RORA: variants seen among roughly 807,000 people sequenced by gnomAD.
RORA encodes the protein RAR related orphan receptor A.
Under a neutral mutation model 69.5 loss-of-function variants are expected in RORA, and 7 were observed. The observed-to-expected ratio is 0.10, with a 90% CI of 0.06 to 0.19. The LOEUF (loss-of-function observed/expected upper bound fraction) is 0.19. Among genes scored for constraint, RORA ranks in the 10% least tolerant of loss-of-function variants. The probability of loss-of-function intolerance (pLI) is 1.00; values close to 1 mark genes in which losing one functional copy is unlikely to be tolerated. For missense variants in RORA, 457 were observed against 663.0 expected, an observed-to-expected ratio of 0.69 and a Z score of 3.41; for synonymous variants, 261 against 240.8, an observed-to-expected ratio of 1.08 and a Z score of -0.78.
chr15:61,035,680 A>G (rs1056279478), intron 1 of RORA, among the ~76,000 whole-genome samples: 9 of 152,296 alleles, frequency 5.9e-5, no homozygotes, highest in African/African-American at 1.9e-4. Context: ...TCACTATGAA[A>G]TGTCATTTTT....
intron 1 of RORA, among the ~76,000 whole-genome samples, chr15:61,155,783 C>T (rs891454172): frequency 6.6e-6 from 1 of 152,190 alleles, no homozygotes; most frequent in Non-Finnish European, 1.5e-5. Flanking sequence ...GATGTGTTTA[C>T]AAACAGCAAA....
intron 1 of RORA, among the ~76,000 whole-genome samples, chr15:60,877,987 C>A (rs2073636420): frequency 6.6e-6 from 1 of 151,930 alleles, no homozygotes; most frequent in African/African-American, 2.4e-5. Flanking sequence ...AACTATCCCA[C>A]TGAAGTGAGT....
At chr15:61,172,188 C>A (rs893834970) in intron 1 of RORA, among the ~76,000 whole-genome samples, 1 of 151,994 alleles carries the variant, frequency 6.6e-6, no homozygotes, top group Non-Finnish European at 1.5e-5. Flanking sequence ...ATATTTAATA[C>A]ACTGGAGCTT....
At chr15:61,207,674 C>G (rs2079954676) in intron 1 of RORA, among the ~76,000 whole-genome samples, 1 of 152,184 alleles carries the variant, frequency 6.6e-6, no homozygotes, top group Non-Finnish European at 1.5e-5. Context: ...GAGGCTGTTT[C>G]CCTCTGTGGG....
intron 1 of RORA, among the ~76,000 whole-genome samples, chr15:61,212,257 T>TG (rs1278113618): frequency 5.6e-5 from 2 of 35,412 alleles, no homozygotes; most frequent in Admixed American, 1.9e-4. Context: ...TTTGTTTGTT[T>TG]TAAAAAAAAA....
At chr15:61,207,679 T>C (rs2079954715) in intron 1 of RORA, among the ~76,000 whole-genome samples, 1 of 152,240 alleles carries the variant, frequency 6.6e-6, no homozygotes, top group African/African-American at 2.4e-5. Flanking sequence ...TGTTTCCCTC[T>C]GTGGGTTTGT....
chr15:60,717,269 T>C (rs1465986791), intron 1 of RORA, among the ~76,000 whole-genome samples: 2 of 152,182 alleles, frequency 1.3e-5, no homozygotes, highest in African/African-American at 2.4e-5. Context: ...GAAAACTCAG[T>C]TTCTGAGAAT....
chr15:60,503,800 A>T, intron 6 of RORA, 133 bp from the exon 7 acceptor site: 1 of 946,608 alleles, frequency 1.1e-6, no homozygotes. Context: ...GTGGGATCTT[A>T]TTTTATTTTA....
intron 2 of RORA, among the ~76,000 whole-genome samples, chr15:60,532,124 A>T (rs186342323): frequency 1.3e-5 from 2 of 152,344 alleles, no homozygotes; most frequent in Admixed American, 1.3e-4. Context: ...CAAAGCCTTC[A>T]AGAACTGGAG....
chr15:60,514,573 C>T (rs759563182), intron 4 of RORA, 43 bp downstream of exon 4: 1 of 1,602,032 alleles, frequency 6.2e-7, no homozygotes, highest in Non-Finnish European at 8.5e-7. Context: ...AAGGCACTTT[C>T]ACAACCCCGT....
At chr15:60,926,513 T>G (rs150561901) in intron 1 of RORA, among the ~76,000 whole-genome samples, 337 of 152,366 alleles carry the variant, frequency 2.2e-3, no homozygotes, top group Non-Finnish European at 4.4e-3. Flanking sequence ...TCGAATGACA[T>G]TTTAAGCACA....
intron 1 of RORA, among the ~76,000 whole-genome samples, chr15:60,883,088 G>T (rs2073704593): frequency 1.7e-5 from 2 of 115,982 alleles, no homozygotes; most frequent in Admixed American, 1.3e-4. Context: ...CCGAGATCAA[G>T]CCATTGCATT....
At chr15:60,688,900 G>C (rs1351754064) in intron 1 of RORA, among the ~76,000 whole-genome samples, 2 of 152,164 alleles carry the variant, frequency 1.3e-5, no homozygotes, top group African/African-American at 2.4e-5. Flanking sequence ...ACACATACCA[G>C]CAACCAAAGG....
chr15:61,003,027 C>T (rs1384194916), intron 1 of RORA, among the ~76,000 whole-genome samples: 3 of 150,008 alleles, frequency 2.0e-5, no homozygotes, highest in Non-Finnish European at 4.4e-5. Context: ...GCCTGTAGTC[C>T]CAGCTACTCG....
Position 60,624,471 on chromosome 15 carries a change from CATATAT to C in RORA, c.196+54180_196+54185del, listed in dbSNP as rs3053858. 1.3e-3 allele frequency among the ~76,000 whole-genome samples: 97 copies of C among 73,544 alleles called. 1 individual carries two copies. The highest frequency in any genetic ancestry group is 4.5e-3 in the African/African-American group (68 of 15,218). The allele number at this position is 73,544 out of a possible 152,430, so 48.2% of individuals were successfully genotyped here. A position where few individuals can be genotyped will look rare whatever the true frequency, so the allele number is the denominator to read the frequency against. On this transcript the variant is annotated intron_variant, in intron 2 of 10. Transcript: ENST00000335670. ...GGAAGAGGTCCTCTTCCATTTGCTG[CATATAT>C]ATATATATATATATATATATTTGCT...
At chr15:60,930,759 G>T (rs1307554384) in intron 1 of RORA, among the ~76,000 whole-genome samples, 1 of 152,174 alleles carries the variant, frequency 6.6e-6, no homozygotes, top group African/African-American at 2.4e-5. Context: ...TTTGTATGTG[G>T]TGACTGTCAT....
At position 60,610,447 on chromosome 15, in the gene RORA, C is replaced by T. The variant is rs1039599319; in HGVS notation, c.196+68210G>A. On this transcript the variant is annotated intron_variant, in intron 2 of 10. Transcript: ENST00000335670. ...CTGAGTGAACTTTGGGAGAGACGTG[C>T]TCTTTGGTTTTGTCTGGGTTGCAGT... 2.0e-5 allele frequency among the ~76,000 whole-genome samples: 3 copies of T among 152,138 alleles called. No individual in the cohort carries two copies. The East Asian group carries it at 5.8e-4, about 29-fold the overall frequency.
rs936820470 is a variant in RORA, at chr15:60,558,459, A to G, written c.197-26608T>C. 3 of 543,592 alleles carry G rather than the reference A, an allele frequency of 5.5e-6. No homozygotes were observed. In the African/African-American group the frequency reaches 5.8e-5, roughly 11 times the overall value. 33.7% of individuals were successfully genotyped at this position (543,592 alleles called of 1,614,324 possible). On this transcript the variant is annotated intron_variant, in intron 2 of 10. Transcript: ENST00000335670. ...CTCATACACCAGAATTCAGATCATT[A>G]ATGTCTGACTGAATATTTTTGTTGG...
chr15:60,842,833 G>A (rs1005172946), intron 1 of RORA, among the ~76,000 whole-genome samples: 9 of 152,092 alleles, frequency 5.9e-5, no homozygotes, highest in South Asian at 2.1e-4. Flanking sequence ...GTAGAAGATC[G>A]GGTGGATAAA....
Sources: allele counts gnomAD v4.1 joint callset (sites outside exome capture counted in the v4.1 genomes callset), GRCh38; gene constraint gnomAD v4.1.1; transcripts MANE v1.5; gene names NCBI Gene and HGNC (gene_info 2026-07-23, HGNC 2026-07-21).